CEP89: variants seen among roughly 807,000 people sequenced by gnomAD.
CEP89 encodes the protein centrosomal protein 89, also known as centrosomal protein of 89 kDa.
In CEP89, 95 loss-of-function variants were observed where a neutral mutation model predicts 97.6. The ratio of observed to expected loss-of-function variants is 0.97; its 90% CI spans 0.82 to 1.15. CEP89 has a LOEUF of 1.15. CEP89 is among the 50% of genes most tolerant of loss of function. CEP89 has a pLI of 0.00. For missense variants in CEP89, 869 were observed against 947.7 expected (o/e 0.92, Z 1.09); for synonymous variants, 354 against 349.1 (o/e 1.01, Z -0.16).
chr19:32,893,546 A>C (rs920930362), intron 16 of CEP89, among the ~76,000 whole-genome samples: 4 of 152,248 alleles, frequency 2.6e-5, no homozygotes, highest in African/African-American at 9.6e-5. Context: ...GACATTTACA[A>C]AACATTTCAT....
At chr19:32,883,463 G>A (rs1165316236) in intron 17 of CEP89, among the ~76,000 whole-genome samples, 2 of 152,042 alleles carry the variant, frequency 1.3e-5, no homozygotes, top group Admixed American at 6.6e-5. Context: ...AGACCAGCCT[G>A]GTCAGGAGTT....
chr19:32,951,513 A>T (rs1462292927), intron 4 of CEP89, among the ~76,000 whole-genome samples: 1 of 30,774 alleles, frequency 3.2e-5, no homozygotes, highest in Non-Finnish European at 7.3e-5. Flanking sequence ...ACAAAAAATT[A>T]TATATATATA....
intron 14 of CEP89, among the ~76,000 whole-genome samples, chr19:32,903,940 C>T (rs958981618): frequency 6.6e-6 from 1 of 152,148 alleles, no homozygotes; most frequent in Admixed American, 6.5e-5. Context: ...CAGGAGGCTC[C>T]CTCAAGGCCA....
chr19:32,929,151 G>A (rs1308758048), intron 9 of CEP89, among the ~76,000 whole-genome samples: 3 of 152,100 alleles, frequency 2.0e-5, no homozygotes, highest in African/African-American at 7.2e-5. Flanking sequence ...AAGTCATTAT[G>A]GACACTGCAA....
intron 5 of CEP89, among the ~76,000 whole-genome samples, chr19:32,946,238 A>T (rs1970794955): frequency 6.6e-6 from 1 of 152,114 alleles, no homozygotes; most frequent in African/African-American, 2.4e-5. Context: ...CATAGCTGGG[A>T]CTACAGGTGT....
At chr19:32,931,690 G>A (rs1396633841) in intron 8 of CEP89, 119 bp from the exon 9 acceptor site, 2 of 715,676 alleles carry the variant, frequency 2.8e-6, no homozygotes, top group African/African-American at 1.8e-5. Context: ...AATGAACTGT[G>A]TGTGCGTGTG....
At chr19:32,896,415 T>C (rs61227042) in intron 16 of CEP89, among the ~76,000 whole-genome samples, 12,428 of 152,056 alleles carry the variant, frequency 0.082, 1,579 homozygotes, top group African/African-American at 0.27. Flanking sequence ...TGGATATCCA[T>C]ATACAGAAAA....
In CEP89 at chr19:32,959,831, G is replaced by A. The variant is rs145159820; in HGVS notation, c.305+69C>T. 5.0e-4 allele frequency: 780 copies of A among 1,571,542 alleles called. 4 individuals carry two copies. Among genetic ancestry groups the A allele is most frequent in the East Asian group, 2.5e-4 (11 of 44,270 alleles). ...CACATGTACGCATGCACACATACAC[G>A]TAGAGACCAGGCTGAGCCTGCCCCT... is the stretch of plus-strand genomic sequence containing the variant. On this transcript the variant is annotated intron_variant, in intron 3 of 18. Transcript: ENST00000305768.
chr19:32,965,594 G>A (rs1971264303), intron 2 of CEP89, among the ~76,000 whole-genome samples: 1 of 151,462 alleles, frequency 6.6e-6, no homozygotes, highest in Non-Finnish European at 1.5e-5. Flanking sequence ...TACCCGGCGG[G>A]CTGAGATGGG....
rs532272630 is a variant in CEP89, at chr19:32,958,013, T to TCCG, written c.305+1886_305+1887insCGG. On this transcript the variant is annotated intron_variant, in intron 3 of 18. Transcript: ENST00000305768. ...CCTGTGTCAAAACAAAACAAAAAAA[T>TCCG]CCCCCCCCCGCCAAAAAATAAAATA... Among the ~76,000 whole-genome samples, 62 of 123,612 alleles carry TCCG rather than the reference T, an allele frequency of 5.0e-4. 2 individuals are homozygous for TCCG. The highest frequency in any genetic ancestry group is 1.8e-3 in the African/African-American group (58 of 32,912). The allele number at this position is 123,612 out of a possible 152,430, so 81.1% of individuals were successfully genotyped here. A position where few individuals can be genotyped will look rare whatever the true frequency, so the allele number is the denominator to read the frequency against.
chr19:32,882,043 G>A, intron 17 of CEP89, 30 bp from the exon 18 acceptor site: 2 of 1,543,786 alleles, frequency 1.3e-6, no homozygotes, highest in Non-Finnish European at 1.7e-6. Context: ...TGTGAATGAG[G>A]GGACGCTGCC....
intron 16 of CEP89, among the ~76,000 whole-genome samples, chr19:32,892,150 ATATT>A (rs1259554548): frequency 6.8e-5 from 10 of 146,912 alleles, no homozygotes; most frequent in Admixed American, 1.4e-4. Flanking sequence ...AGACATATAT[ATATT>A]TAGACATACA....
rs371461034 is a variant in CEP89, at chr19:32,926,185, C to A, written c.1164+5G>T. On this transcript the variant is annotated splice_donor_5th_base_variant and intron_variant, in intron 11 of 18. Transcript: ENST00000305768. Reference sequence around the variant, plus strand: ...TTGTGTCTTCTGGGACATTTGCCAGCCTACCTTGAGGGTGGCATTGAGCTC... The same window carrying A: ...TTGTGTCTTCTGGGACATTTGCCAGACTACCTTGAGGGTGGCATTGAGCTC... The A allele has an allele frequency of 1.0e-5, 16 of 1,606,268 alleles. No homozygotes were observed. The African/African-American group carries it at 2.1e-4, about 21-fold the overall frequency.
At position 32,876,460 on chromosome 19, in the gene CEP89, G is replaced by A. The variant is rs1003326968; in HGVS notation, c.*2702C>T. 2.0e-5 allele frequency: 3 copies of A among 153,026 alleles called. No individual in the cohort carries two copies. Among genetic ancestry groups the A allele is most frequent in the Non-Finnish European group, 4.4e-5 (3 of 68,754 alleles). 9.5% of individuals were successfully genotyped at this position (153,026 alleles called of 1,614,324 possible). A position where few individuals can be genotyped will look rare whatever the true frequency, so the allele number is the denominator to read the frequency against. On this transcript the variant is annotated 3_prime_UTR_variant, in exon 19 of 19. Transcript: ENST00000305768. Reference sequence around the variant, plus strand: ...GGAGGAGCCCCTCCCAGCAGACCCAGTTCTCCTCTGTGCAGTCCGGCCTCA... The same window carrying A: ...GGAGGAGCCCCTCCCAGCAGACCCAATTCTCCTCTGTGCAGTCCGGCCTCA...
rs764278381 is a variant in CEP89, at chr19:32,915,391, G to A, written c.1511C>T (p.Ser504Leu). 1.2e-5 allele frequency: 20 copies of A among 1,612,778 alleles called. No individual in the cohort carries two copies. Among genetic ancestry groups the A allele is most frequent in the South Asian group, 4.4e-5 (4 of 90,828 alleles). Residue 504 changes from serine (S) to leucine (L), a missense_variant, in exon 14 of 19, where the codon TCG becomes TTG. Physicochemically the swap from Ser to Leu is moderately radical, Grantham distance 145. Transcript: ENST00000305768. ...RAKCQELKTH[S>L]DGKIAVEVHK... ...AACTTCCACTGCGATTTTGCCATCC[G>A]AGTGTGTTTTGAGTTCTTGGCATTT... is the stretch of plus-strand genomic sequence containing the variant.
At chr19:32,939,977 C>T in intron 5 of CEP89, 92 bp from the exon 6 acceptor site, 1 of 639,380 alleles carries the variant, frequency 1.6e-6, no homozygotes, top group Non-Finnish European at 2.8e-6. Flanking sequence ...TCACCTTCTA[C>T]AGAGGAGCTC....
chr19:32,880,163 C>T (rs1251520916), intron 18 of CEP89, among the ~76,000 whole-genome samples: 1 of 152,252 alleles, frequency 6.6e-6, no homozygotes, highest in East Asian at 1.9e-4. Context: ...CGAGCCACAC[C>T]TCACAAGGTG....
At chr19:32,891,350 C>A (rs1437517766) in intron 16 of CEP89, among the ~76,000 whole-genome samples, 2 of 151,948 alleles carry the variant, frequency 1.3e-5, no homozygotes, top group Non-Finnish European at 2.9e-5. Flanking sequence ...CAGGCACACA[C>A]ACAAACACAC....
At chr19:32,884,638 G>A (rs926554101) in intron 17 of CEP89, among the ~76,000 whole-genome samples, 2 of 152,140 alleles carry the variant, frequency 1.3e-5, no homozygotes, top group African/African-American at 4.8e-5. Flanking sequence ...GGAGTGCAGT[G>A]GTGTGATCAT....
Sources: gnomAD v4.1 joint callset for allele counts (sites outside exome capture counted in the v4.1 genomes callset) on GRCh38, gnomAD v4.1.1 for gene constraint, MANE v1.5 for transcripts, NCBI Gene and HGNC (gene_info 2026-07-23, HGNC 2026-07-21) for gene names.